Variants in STX11 observed in about 807,000 individuals in gnomAD.
STX11 encodes syntaxin-11.
A neutral mutation model predicts 19.9 loss-of-function variants in STX11; 21 were observed. The ratio of observed to expected loss-of-function variants is 1.06; its 90% CI spans 0.75 to 1.52. The LOEUF (loss-of-function observed/expected upper bound fraction) is 1.52. Among genes scored for constraint, STX11 ranks in the 40% most tolerant of loss-of-function variants. The pLI is 0.00. For synonymous variants in STX11, 193 were observed against 174.4 expected (o/e 1.11, Z -0.84); for missense variants, 438 against 405.9 (o/e 1.08, Z -0.68).
intron 1 of STX11, among the ~76,000 whole-genome samples, chr6:144,157,197 G>T (rs936255811): frequency 6.6e-6 from 1 of 152,236 alleles, no homozygotes; most frequent in Admixed American, 6.5e-5. Flanking sequence ...GATTGCACAG[G>T]GGGAGAGACT....
rs1425618238 is a variant in STX11 at position 144,172,281 on chromosome 6, G to A, written c.-5-14342G>A. 1.3e-5 allele frequency among the ~76,000 whole-genome samples: 2 copies of A among 152,118 alleles called. No homozygotes were observed. The highest frequency in any genetic ancestry group is 6.5e-5 in the Admixed American group (1 of 15,280). ...TAGTAAGCACCTGTGATTCTTCTAC[G>A]GATCTCACCTGGACTCAGTCATGCA... On this transcript the variant is annotated intron_variant, in intron 1 of 1. Transcript: ENST00000367568. This position sits in a 1 kb window ranked among gnomAD's most constrained non-coding sequence, Gnocchi z 4.2.
At position 144,152,796 on chromosome 6, in the gene STX11, G is replaced by A. The variant is rs547340934; in HGVS notation, c.-6+2093G>A. Among the ~76,000 whole-genome samples the A allele has an allele frequency of 2.0e-5, 3 of 152,282 alleles. No homozygotes were observed. The highest frequency in any genetic ancestry group is 6.5e-5 in the Admixed American group (1 of 15,298). On this transcript the variant is annotated intron_variant, in intron 1 of 1. Coordinates refer to ENST00000367568, the MANE Select transcript of STX11 (RefSeq NM_003764.4). The surrounding 1 kb of genome is among the most constrained non-coding windows in gnomAD (Gnocchi z 4.9). ...CTACAGACACCCACCACAACACCCGGCTAATTTTTGTATTTTTAGTAGGGA... is the reference window on the plus strand; with the variant it reads ...CTACAGACACCCACCACAACACCCGACTAATTTTTGTATTTTTAGTAGGGA...
upstream of STX11, among the ~76,000 whole-genome samples, chr6:144,149,392 A>C (rs75162540): frequency 0.023 from 3,540 of 152,220 alleles, 145 homozygotes; most frequent in African/African-American, 0.081. The surrounding 1 kb of genome is among the most constrained non-coding windows in gnomAD (Gnocchi z 5.1). Context: ...AAATGGTTCC[A>C]TCTTTGGCAA....
intron 1 of STX11, among the ~76,000 whole-genome samples, chr6:144,171,008 A>G (rs555817933): frequency 1.3e-5 from 2 of 152,328 alleles, no homozygotes; most frequent in Non-Finnish European, 2.9e-5. Context: ...ACAACAATAC[A>G]GAACATAGCA....
the STX11 span, among the ~76,000 whole-genome samples, chr6:144,143,081 C>T: frequency 1.3e-5 from 2 of 152,132 alleles, no homozygotes; most frequent in East Asian, 3.8e-4. Flanking sequence ...TTATATGTTT[C>T]CATCAATTTA....
intron 1 of STX11, among the ~76,000 whole-genome samples, chr6:144,178,952 G>C (rs1330030603): frequency 2.0e-5 from 3 of 151,960 alleles, no homozygotes; most frequent in Non-Finnish European, 2.9e-5. Context: ...GTTTCCCTCT[G>C]TATTAGTCTG....
chr6:144,150,754 C>T, intron 1 of STX11, 51 bp downstream of exon 1: 2 of 181,028 alleles, frequency 1.1e-5, no homozygotes, highest in Non-Finnish European at 1.9e-5. Flanking sequence ...CTATTTTCCC[C>T]GTGCGCGGAG....
At chr6:144,179,657 A>G (rs543006584) in intron 1 of STX11, among the ~76,000 whole-genome samples, 1 of 152,308 alleles carries the variant, frequency 6.6e-6, no homozygotes, top group South Asian at 2.1e-4. Flanking sequence ...GAGACTGGCA[A>G]TCCAACCATG....
At chr6:144,181,592 CAAAAAAAAAAAA>C (rs145945304) in intron 1 of STX11, among the ~76,000 whole-genome samples, 5 of 65,800 alleles carry the variant, frequency 7.6e-5, no homozygotes, top group African/African-American at 1.1e-4. Context: ...AAGACCACCT[CAAAAAAAAAAAA>C]AAAAAAAAAA....
At chr6:144,156,786 G>A in intron 1 of STX11, among the ~76,000 whole-genome samples, 1 of 152,090 alleles carries the variant, frequency 6.6e-6, no homozygotes, top group East Asian at 1.9e-4. Context: ...CCTCTTCCTT[G>A]ACTACTGCAT....
chr6:144,153,781 A>G lies in STX11; in HGVS notation c.-6+3078A>G, dbSNP rs1456859122. Among the ~76,000 whole-genome samples the G allele has an allele frequency of 1.3e-5, 2 of 152,114 alleles. No homozygotes were observed. Among genetic ancestry groups the G allele is most frequent in the Admixed American group, 6.6e-5 (1 of 15,262 alleles). On this transcript the variant is annotated intron_variant, in intron 1 of 1. Coordinates refer to ENST00000367568, the MANE Select transcript of STX11 (RefSeq NM_003764.4). This position sits in a 1 kb window ranked among gnomAD's most constrained non-coding sequence, Gnocchi z 5.0. ...GGCTGGTAGAGGTTTAATAGGTGGA[A>G]CCCTGTCGGGTGTGTGTAATGAGGA... is the stretch of plus-strand genomic sequence containing the variant.
In STX11 at chr6:144,191,675, G is replaced by C. The variant is rs1482719666; in HGVS notation, c.*4184G>C. On this transcript the variant is annotated 3_prime_UTR_variant, in exon 2 of 2. Coordinates refer to ENST00000367568, the MANE Select transcript of STX11 (RefSeq NM_003764.4). ...ACTGCAGCATGCAACTCATTCATTTGTAATCAAGACGATAGTTTGAAACAC... is the reference window on the plus strand; with the variant it reads ...ACTGCAGCATGCAACTCATTCATTTCTAATCAAGACGATAGTTTGAAACAC... Among the ~76,000 whole-genome samples the C allele has an allele frequency of 1.3e-5, 2 of 152,098 alleles. No individual in the cohort carries two copies. Among genetic ancestry groups the C allele is most frequent in the African/African-American group, 2.4e-5 (1 of 41,402 alleles).
In STX11 at chr6:144,151,885, G is replaced by A. The variant is rs552094757; in HGVS notation, c.-6+1182G>A. Among the ~76,000 whole-genome samples the A allele has an allele frequency of 2.6e-4, 40 of 152,266 alleles. No individual in the cohort carries two copies. Among genetic ancestry groups the A allele is most frequent in the Non-Finnish European group, 3.1e-4 (21 of 68,012 alleles). ...AGTTGAAGCTGACAAGTCCTATTGC[G>A]GTGGGTAACAGCCCTTAGGAAGGGA... On this transcript the variant is annotated intron_variant, in intron 1 of 1. Coordinates refer to ENST00000367568, the MANE Select transcript of STX11 (RefSeq NM_003764.4). The surrounding 1 kb of genome is among the most constrained non-coding windows in gnomAD (Gnocchi z 4.6).
Position 144,187,206 on chromosome 6 carries a change from G to C in STX11, c.579G>C (p.Leu193Phe), listed in dbSNP as rs760385256. Reference sequence around the variant, plus strand: ...AGTGGGACGTGTTTTCCGAGAACTTGCTGGCCGACGTGAAGGGCGCGCGGG... The same window carrying C: ...AGTGGGACGTGTTTTCCGAGAACTTCCTGGCCGACGTGAAGGGCGCGCGGG... ...QGKWDVFSEN[L>F]LADVKGARAA... Residue 193 changes from leucine to phenylalanine, a missense_variant, in exon 2 of 2, where the codon TTG becomes TTC. Transcript: ENST00000367568. The surrounding 1 kb of genome is among the most constrained non-coding windows in gnomAD (Gnocchi z 5.6). 10 of 1,613,890 alleles carry C rather than the reference G, an allele frequency of 6.2e-6. No homozygotes were observed. The highest frequency in any genetic ancestry group is 8.5e-6 in the Non-Finnish European group (10 of 1,180,010).
rs564119232 is a variant in STX11, at chr6:144,161,498, G to A, written c.-6+10795G>A. ...TTCTCATGCCTCAGCCTCCCTAGTA[G>A]CTAGGATTACAGGCGCCCGCCACCA... On this transcript the variant is annotated intron_variant, in intron 1 of 1. Coordinates refer to ENST00000367568, the MANE Select transcript of STX11 (RefSeq NM_003764.4). Among the ~76,000 whole-genome samples, 87 of 152,232 alleles carry A rather than the reference G, an allele frequency of 5.7e-4. 1 individual carries two copies. The highest frequency in any genetic ancestry group is 3.4e-3 in the Middle Eastern group (1 of 294).
chr6:144,169,657 C>T lies in STX11; in HGVS notation c.-5-16966C>T, dbSNP rs181623378. ...TTTTCTCTCCTTTTCTTTTCCCTCC[C>T]TCCCTCCCTTCCTTCCTTCCTTCCT... On this transcript the variant is annotated intron_variant, in intron 1 of 1. Transcript: ENST00000367568. The surrounding 1 kb of genome is among the most constrained non-coding windows in gnomAD (Gnocchi z 5.2). Among the ~76,000 whole-genome samples, 376 of 145,456 alleles carry T rather than the reference C, an allele frequency of 2.6e-3. No homozygotes were observed. Among genetic ancestry groups the T allele is most frequent in the African/African-American group, 9.0e-3 (357 of 39,688 alleles).
At chr6:144,141,908 C>T in the STX11 span, among the ~76,000 whole-genome samples, 2 of 152,004 alleles carry the variant, frequency 1.3e-5, no homozygotes, top group Non-Finnish European at 2.9e-5. Context: ...TTTTGAACTT[C>T]TGGGCTCAAG....
upstream of STX11, among the ~76,000 whole-genome samples, chr6:144,146,229 A>C (rs1160158180): frequency 6.6e-6 from 1 of 152,206 alleles, no homozygotes. The surrounding 1 kb of genome is among the most constrained non-coding windows in gnomAD (Gnocchi z 4.4). Context: ...CACGGCTGAC[A>C]GATCGCCATG....
rs193280994 is a variant in STX11, at chr6:144,190,515, T to C, written c.*3024T>C. Among the ~76,000 whole-genome samples, 3 of 152,194 alleles carry C rather than the reference T, an allele frequency of 2.0e-5. No homozygotes were observed. In the East Asian group the frequency reaches 5.9e-4, roughly 30 times the overall value. On this transcript the variant is annotated 3_prime_UTR_variant, in exon 2 of 2. Coordinates refer to ENST00000367568, the MANE Select transcript of STX11 (RefSeq NM_003764.4). The stretch of plus-strand genomic sequence containing the variant: ...GAGGAAAAATAAAGCCTATTTTTTG[T>C]TAACAGTCTTAATAAATAATAAAAT...
Sources: allele counts gnomAD v4.1 joint callset (sites outside exome capture counted in the v4.1 genomes callset), GRCh38; gene constraint gnomAD v4.1.1; non-coding constraint Gnocchi (gnomAD v3.1); transcripts MANE v1.5; gene names NCBI Gene and HGNC (gene_info 2026-07-23, HGNC 2026-07-21).